The following ZMAT4 variants were observed in gnomAD, a reference collection of about 807,000 sequenced individuals.
ZMAT4 encodes the protein zinc finger matrin-type 4, also known as zinc finger matrin-type protein 4.
A neutral mutation model predicts 28.7 loss-of-function variants in ZMAT4; 17 were observed. The observed-to-expected ratio is 0.59, with a 90% CI of 0.41 to 0.89. The LOEUF (loss-of-function observed/expected upper bound fraction) is 0.89. Among genes scored for constraint, ZMAT4 ranks in the 40% least tolerant of loss-of-function variants. The probability of loss-of-function intolerance (pLI) is 0.00; values close to 1 mark genes in which losing one functional copy is unlikely to be tolerated. For synonymous variants in ZMAT4, 117 were observed against 109.2 expected, an observed-to-expected ratio of 1.07 and a Z score of -0.44; for missense variants, 240 against 283.8, an observed-to-expected ratio of 0.85 and a Z score of 1.11.
chr8:40,813,224 A>G (rs1815399460), intron 2 of ZMAT4, among the ~76,000 whole-genome samples: 4 of 152,182 alleles, frequency 2.6e-5, no homozygotes, highest in African/African-American at 4.8e-5. Flanking sequence ...TTTAAAGAAC[A>G]TATATAAATA....
At chr8:40,576,054 G>T (rs1386176005) in intron 6 of ZMAT4, among the ~76,000 whole-genome samples, 2 of 151,772 alleles carry the variant, frequency 1.3e-5, no homozygotes, top group African/African-American at 4.8e-5. Flanking sequence ...AACCAGACTA[G>T]CTCAAGCAGA....
chr8:40,726,156 G>A (rs942844636), intron 3 of ZMAT4, among the ~76,000 whole-genome samples: 2 of 152,288 alleles, frequency 1.3e-5, no homozygotes, highest in East Asian at 3.9e-4. Flanking sequence ...TCCCTAATTA[G>A]AACAGCATCC....
At chr8:40,724,906 C>A (rs532651594) in intron 3 of ZMAT4, among the ~76,000 whole-genome samples, 2 of 152,104 alleles carry the variant, frequency 1.3e-5, no homozygotes, top group African/African-American at 4.8e-5. Flanking sequence ...GGGATGATAC[C>A]TTTAGCTCCC....
chr8:40,699,407 G>T (rs968485647), intron 3 of ZMAT4, among the ~76,000 whole-genome samples: 1 of 151,900 alleles, frequency 6.6e-6, no homozygotes, highest in Non-Finnish European at 1.5e-5. Context: ...GCGTAACAAA[G>T]AACTAAAAAT....
intron 5 of ZMAT4, among the ~76,000 whole-genome samples, chr8:40,611,504 C>T (rs1306822070): frequency 1.3e-5 from 2 of 152,148 alleles, no homozygotes; most frequent in African/African-American, 4.8e-5. Flanking sequence ...CCACGCCAGG[C>T]TAATTTTTTG....
intron 5 of ZMAT4, among the ~76,000 whole-genome samples, chr8:40,672,165 G>T (rs890584193): frequency 6.6e-6 from 1 of 152,168 alleles, no homozygotes; most frequent in Non-Finnish European, 1.5e-5. Context: ...AAGAGAAAAA[G>T]CCTACCATCC....
intron 2 of ZMAT4, among the ~76,000 whole-genome samples, chr8:40,774,095 G>A (rs1206176680): frequency 2.6e-5 from 4 of 152,064 alleles, no homozygotes; most frequent in Admixed American, 1.3e-4. Context: ...AAATACGTAT[G>A]TGTAAGAAGA....
At chr8:40,716,360 AG>A (rs1344023863) in intron 3 of ZMAT4, among the ~76,000 whole-genome samples, 3 of 152,136 alleles carry the variant, frequency 2.0e-5, no homozygotes, top group Non-Finnish European at 4.4e-5. Flanking sequence ...CCACTACAGG[AG>A]GTGTTTCCTT....
intron 5 of ZMAT4, among the ~76,000 whole-genome samples, chr8:40,587,824 G>C (rs1307534023): frequency 1.3e-5 from 2 of 151,930 alleles, no homozygotes; most frequent in African/African-American, 4.8e-5. Flanking sequence ...AAAACTATCA[G>C]ACTAGACAAA....
intron 2 of ZMAT4, among the ~76,000 whole-genome samples, chr8:40,815,871 A>G (rs1181689851): frequency 1.3e-5 from 2 of 152,194 alleles, no homozygotes; most frequent in African/African-American, 2.4e-5. Context: ...CCGGCACTGT[A>G]ATAAAATGGG....
At chr8:40,592,963 T>C (rs1233319243) in intron 5 of ZMAT4, among the ~76,000 whole-genome samples, 1 of 152,164 alleles carries the variant, frequency 6.6e-6, no homozygotes, top group East Asian at 1.9e-4. Flanking sequence ...CATAAATAAA[T>C]AGATCTACTC....
At chr8:40,782,595 C>T (rs1319297391) in intron 2 of ZMAT4, among the ~76,000 whole-genome samples, 3 of 152,030 alleles carry the variant, frequency 2.0e-5, no homozygotes, top group Non-Finnish European at 4.4e-5. Context: ...AAAACCAGAG[C>T]TGGGCAGATG....
intron 2 of ZMAT4, among the ~76,000 whole-genome samples, chr8:40,786,258 T>C (rs1814075831): frequency 6.6e-6 from 1 of 152,192 alleles, no homozygotes; most frequent in Non-Finnish European, 1.5e-5. Context: ...GAGAGTGAAT[T>C]TACAAAATTG....
rs5891121 is a variant in ZMAT4, at chr8:40,769,786, G to GTT, written c.103-2058_103-2057dup. 1.6e-3 allele frequency among the ~76,000 whole-genome samples: 229 copies of GTT among 145,142 alleles called. 2 individuals carry two copies. Among genetic ancestry groups the GTT allele is most frequent in the South Asian group, 4.6e-3 (21 of 4,606 alleles). On this transcript the variant is annotated intron_variant, in intron 2 of 6. Transcript: ENST00000297737. ...TCATCATGCGGCCTGGTTTGTGGCT[G>GTT]TTTTTTTTTTTTCCTCTTAATCTAA...
chr8:40,780,686 T>C (rs2150571533), intron 2 of ZMAT4, among the ~76,000 whole-genome samples: 1 of 152,284 alleles, frequency 6.6e-6, no homozygotes, highest in South Asian at 2.1e-4. Context: ...AGCAGACATA[T>C]TAGGTAGTAG....
intron 2 of ZMAT4, among the ~76,000 whole-genome samples, chr8:40,774,017 G>C (rs1245254724): frequency 6.6e-6 from 1 of 152,060 alleles, no homozygotes; most frequent in African/African-American, 2.4e-5. Context: ...ATTTAACCTT[G>C]TGATGGGAAA....
At chr8:40,563,606 A>T (rs1292007879) in intron 6 of ZMAT4, among the ~76,000 whole-genome samples, 1 of 152,210 alleles carries the variant, frequency 6.6e-6, no homozygotes, top group Non-Finnish European at 1.5e-5. Flanking sequence ...TGAAATGAAA[A>T]AACAGATAAG....
chr8:40,814,310 C>T lies in ZMAT4; in HGVS notation c.102+11265G>A, dbSNP rs545966170. 3.9e-5 allele frequency among the ~76,000 whole-genome samples: 6 copies of T among 152,354 alleles called. No homozygotes were observed. In the South Asian group the frequency reaches 1.2e-3, roughly 32 times the overall value. Reference sequence around the variant, plus strand: ...AAGCCCACCTACTTTGGGGATTCCCCATCCTGTTAATATCTTTTTGAAACA... The same window carrying T: ...AAGCCCACCTACTTTGGGGATTCCCTATCCTGTTAATATCTTTTTGAAACA... On this transcript the variant is annotated intron_variant, in intron 2 of 6. Transcript: ENST00000297737.
intron 1 of ZMAT4, among the ~76,000 whole-genome samples, chr8:40,833,557 A>AAAAAAAAAAAAAAAAAAAAAAAAAAC: frequency 6.8e-6 from 1 of 146,522 alleles, no homozygotes; most frequent in African/African-American, 2.5e-5. Flanking sequence ...AAAAAAAAAA[A>AAAAAAAAAAAAAAAAAAAAAAAAAAC]AGACATGAAA....
Sources: gnomAD v4.1 joint callset for allele counts (sites outside exome capture counted in the v4.1 genomes callset) on GRCh38, gnomAD v4.1.1 for gene constraint, MANE v1.5 for transcripts, NCBI Gene and HGNC (gene_info 2026-07-23, HGNC 2026-07-21) for gene names.